The following ANO2 variants were observed in gnomAD, a reference collection of about 807,000 sequenced individuals.
ANO2 encodes anoctamin 2.
A neutral mutation model predicts 124.2 loss-of-function variants in ANO2; 101 were observed. The ratio of observed to expected loss-of-function variants is 0.81; its 90% confidence interval spans 0.69 to 0.96. ANO2 has a LOEUF of 0.96. Among genes scored for constraint, ANO2 ranks in the 40% least tolerant of loss-of-function variants. ANO2 has a pLI of 0.00. For missense variants in ANO2, 1,293 were observed against 1,274.5 expected (o/e 1.01, Z -0.22); for synonymous variants, 486 against 482.5 (o/e 1.01, Z -0.09).
intron 7 of ANO2, among the ~76,000 whole-genome samples, chr12:5,822,781 T>C (rs1953845651): frequency 6.6e-6 from 1 of 152,226 alleles, no homozygotes; most frequent in Non-Finnish European, 1.5e-5. Flanking sequence ...TTAGTCCATT[T>C]TCACACTGCT....
chr12:5,754,927 T>C (rs34214696), intron 10 of ANO2, among the ~76,000 whole-genome samples: 1 of 152,002 alleles, frequency 6.6e-6, no homozygotes, highest in African/African-American at 2.4e-5. Context: ...CCCTAATCTA[T>C]ATTATTTCTT....
rs550810570 is a variant in ANO2, at chr12:5,921,134, G to A, written c.440C>T (p.Pro147Leu). Residue 147 changes from proline to leucine, a missense_variant, in exon 3 of 25, where the codon CCG (proline) becomes CTG (leucine). By Grantham distance (98) the Pro-to-Leu change is moderately conservative. Coordinates refer to ENST00000682330, the MANE Select transcript of ANO2 (RefSeq NM_001364791.2). Reference protein sequence around the residue: ...AGGPGDIELGPLDALEEERKE... With the variant: ...AGGPGDIELGLLDALEEERKE... ...CCTCTCCTCCTCCAGGGCATCGAGC[G>A]GTCCCAGCTCAATGTCACCTGGGCC... 27 of 1,613,810 alleles carry A rather than the reference G, an allele frequency of 1.7e-5. No homozygotes were observed. The highest frequency in any genetic ancestry group is 3.3e-5 in the Admixed American group (2 of 59,998).
intron 1 of ANO2, among the ~76,000 whole-genome samples, chr12:5,928,319 A>G (rs896445921): frequency 4.1e-4 from 62 of 152,214 alleles, no homozygotes; most frequent in African/African-American, 1.4e-3. Flanking sequence ...CACTGCTTCC[A>G]GCAAAACCAG....
At chr12:5,758,530 C>T (rs1951647741) in intron 10 of ANO2, among the ~76,000 whole-genome samples, 1 of 152,164 alleles carries the variant, frequency 6.6e-6, no homozygotes, top group African/African-American at 2.4e-5. Context: ...TGGAGAAATA[C>T]CCCATTGTGG....
chr12:5,781,938 T>C lies in ANO2; in HGVS notation c.1055+17569A>G, dbSNP rs1344110409. On this transcript the variant is annotated intron_variant, in intron 10 of 24. Coordinates refer to ENST00000682330, the MANE Select transcript of ANO2 (RefSeq NM_001364791.2). The stretch of plus-strand genomic sequence containing the variant: ...TAATGTTTCTGCTGCAGTTTGGGTA[T>C]AGTATTCTATAAACATCAATTAGGA... 2.6e-5 allele frequency among the ~76,000 whole-genome samples: 4 copies of C among 152,264 alleles called. No homozygotes were observed. In the East Asian group the frequency reaches 5.8e-4, roughly 22 times the overall value.
intron 3 of ANO2, among the ~76,000 whole-genome samples, chr12:5,899,542 CACA>C (rs1940034931): frequency 6.6e-6 from 1 of 152,254 alleles, no homozygotes; most frequent in African/African-American, 2.4e-5. Flanking sequence ...ATTGCTACTT[CACA>C]ACAATTTTGT....
At chr12:5,667,625 T>C (rs1012298188) in intron 14 of ANO2, among the ~76,000 whole-genome samples, 5 of 152,162 alleles carry the variant, frequency 3.3e-5, no homozygotes, top group Admixed American at 2.0e-4. Context: ...CCATGGTATT[T>C]TGCTGCACCT....
Position 5,612,693 on chromosome 12 carries a change from G to A in ANO2, c.2050C>T (p.Gln684Ter). 3.7e-6 allele frequency: 6 copies of A among 1,613,946 alleles called. No homozygotes were observed. The highest frequency in any genetic ancestry group is 5.1e-6 in the Non-Finnish European group (6 of 1,179,870). The change falls in exon 19 of 25, where the codon CAG becomes TAG. Residue 684 changes from glutamine (Q) to a stop codon, truncating the protein, a stop_gained. Transcript: ENST00000682330. LOFTEE classifies it high-confidence loss of function. ...TCAAAGATGTTGTTCTGGATCAACT[G>A]CTTCCCCAACATGATGATGCTGAGC... is the stretch of plus-strand genomic sequence containing the variant. ...IQLSIIMLGK[Q>*]LIQNNIFEIG...
intron 14 of ANO2, among the ~76,000 whole-genome samples, chr12:5,694,613 T>G (rs1197715669): frequency 6.6e-6 from 1 of 152,194 alleles, no homozygotes; most frequent in Non-Finnish European, 1.5e-5. Context: ...GAGGGTAGCC[T>G]GAGAGTAGTT....
intron 14 of ANO2, among the ~76,000 whole-genome samples, chr12:5,724,873 C>T (rs1259558392): frequency 6.7e-6 from 1 of 149,888 alleles, no homozygotes; most frequent in African/African-American, 2.5e-5. Flanking sequence ...TCTCCCAGGA[C>T]TAGTTAAATA....
At chr12:5,616,762 C>T (rs1944829564) in intron 16 of ANO2, among the ~76,000 whole-genome samples, 1 of 152,158 alleles carries the variant, frequency 6.6e-6, no homozygotes, top group Non-Finnish European at 1.5e-5. Context: ...CTTCCCTCAC[C>T]CATCACCTTA....
intron 20 of ANO2, among the ~76,000 whole-genome samples, chr12:5,591,184 A>G (rs1261307013): frequency 6.6e-6 from 1 of 152,208 alleles, no homozygotes; most frequent in African/African-American, 2.4e-5. Flanking sequence ...GTCTCAAAAC[A>G]AAACAAAAAC....
intron 3 of ANO2, among the ~76,000 whole-genome samples, chr12:5,893,716 C>G (rs768409623): frequency 2.6e-5 from 4 of 151,994 alleles, no homozygotes; most frequent in Non-Finnish European, 4.4e-5. Flanking sequence ...GTTCAACTCC[C>G]ACTTGTGAGT....
intron 7 of ANO2, among the ~76,000 whole-genome samples, chr12:5,812,383 GAA>G (rs756400406): frequency 1.5e-5 from 2 of 131,040 alleles, no homozygotes; most frequent in Non-Finnish European, 3.2e-5. Context: ...AAGAAAGAAA[GAA>G]AGAAGGGAAG....
chr12:5,759,163 A>C (rs1951664994), intron 10 of ANO2, among the ~76,000 whole-genome samples: 2 of 151,194 alleles, frequency 1.3e-5, no homozygotes, highest in African/African-American at 4.9e-5. Flanking sequence ...AAAAAAAAAA[A>C]AAACAACAAA....
intron 16 of ANO2, among the ~76,000 whole-genome samples, chr12:5,633,266 CTT>C (rs1310926856): frequency 6.6e-6 from 1 of 152,200 alleles, no homozygotes; most frequent in East Asian, 1.9e-4. Flanking sequence ...AGCAGGTGTT[CTT>C]CTATGCCTCT....
chr12:5,704,613 T>G (rs1181773057), intron 14 of ANO2, among the ~76,000 whole-genome samples: 1 of 152,138 alleles, frequency 6.6e-6, no homozygotes, highest in Admixed American at 6.5e-5. Context: ...AAATCTGTCT[T>G]CCCTGAAGGC....
At chr12:5,739,527 G>T in intron 12 of ANO2, 128 bp from the exon 13 acceptor site, 1 of 706,888 alleles carries the variant, frequency 1.4e-6, no homozygotes, top group Non-Finnish European at 2.3e-6. Context: ...AATGCATTTA[G>T]CCTCTTTTTC....
intron 3 of ANO2, among the ~76,000 whole-genome samples, chr12:5,858,391 T>C (rs1199776498): frequency 2.0e-5 from 3 of 152,168 alleles, no homozygotes; most frequent in Admixed American, 6.5e-5. Context: ...AAATTAATTA[T>C]GGAACAAGAT....
Sources: gnomAD v4.1 joint callset for allele counts (sites outside exome capture counted in the v4.1 genomes callset) on GRCh38, gnomAD v4.1.1 for gene constraint, MANE v1.5 for transcripts, NCBI Gene and HGNC (gene_info 2026-07-23, HGNC 2026-07-21) for gene names.